TGFBR3: variants seen among roughly 807,000 people sequenced by gnomAD.
TGFBR3 encodes transforming growth factor beta receptor 3.
Under a neutral mutation model 87.9 loss-of-function variants are expected in TGFBR3, and 46 were observed. That is an observed-to-expected ratio of 0.52 (90% CI 0.41 to 0.67). TGFBR3 has a LOEUF of 0.67. Ranked by LOEUF, TGFBR3 falls within the 30% of genes least tolerant of loss-of-function variation. The probability of loss-of-function intolerance (pLI) is 0.00; values close to 1 mark genes in which losing one functional copy is unlikely to be tolerated. For missense variants in TGFBR3, 866 were observed against 1,041.9 expected, an observed-to-expected ratio of 0.83 and a Z score of 2.32; for synonymous variants, 381 against 391.6, an observed-to-expected ratio of 0.97 and a Z score of 0.32.
intron 1 of TGFBR3, among the ~76,000 whole-genome samples, chr1:91,862,470 AG>A (rs1678239319): frequency 6.6e-6 from 1 of 152,234 alleles, no homozygotes; most frequent in Non-Finnish European, 1.5e-5. Flanking sequence ...ACAGGAAAAA[AG>A]TCTTCCCTGT....
At position 91,848,716 on chromosome 1, in the gene TGFBR3, C is replaced by A. The variant is rs11466564; in HGVS notation, c.61+12755G>T. Among the ~76,000 whole-genome samples the A allele has an allele frequency of 9.9e-3, 1,511 of 152,298 alleles. 32 individuals carry two copies. The highest frequency in any genetic ancestry group is 0.034 in the African/African-American group (1,427 of 41,554). ...GTAATTTACAACACTGTAAGAAGCACTTCTGCAAAAGGTGGTAAGACCCTC... is the reference window on the plus strand; with the variant it reads ...GTAATTTACAACACTGTAAGAAGCAATTCTGCAAAAGGTGGTAAGACCCTC... On this transcript the variant is annotated intron_variant, in intron 2 of 16. Transcript: ENST00000212355.
At chr1:91,770,938 A>G (rs1006918458) in intron 3 of TGFBR3, 1 of 152,200 alleles carries the variant, frequency 6.6e-6, no homozygotes, top group Non-Finnish European at 1.5e-5. Flanking sequence ...CTGGAGTTTC[A>G]GCAGAGGCTC....
chr1:91,830,480 A>G (rs1676815870), intron 2 of TGFBR3, among the ~76,000 whole-genome samples: 1 of 152,134 alleles, frequency 6.6e-6, no homozygotes, highest in African/African-American at 2.4e-5. Context: ...TGCCACAGTG[A>G]CTGGTGCTGC....
chr1:91,862,652 C>A (rs756016973), intron 1 of TGFBR3, among the ~76,000 whole-genome samples: 1 of 152,198 alleles, frequency 6.6e-6, no homozygotes, highest in Non-Finnish European at 1.5e-5. Context: ...AAGTATATTT[C>A]TCCAGCCCTC....
In TGFBR3 at chr1:91,681,477, G is replaced by A. The variant is rs1670908885; in HGVS notation, c.*2262C>T. 5.7e-6 allele frequency: 2 copies of A among 350,562 alleles called. No homozygotes were observed. Among genetic ancestry groups the A allele is most frequent in the Non-Finnish European group, 1.1e-5 (2 of 184,928 alleles). The allele number at this position is 350,562 out of a possible 1,614,324, so 21.7% of individuals were successfully genotyped here. On this transcript the variant is annotated 3_prime_UTR_variant, in exon 17 of 17. Transcript: ENST00000212355. The stretch of plus-strand genomic sequence containing the variant: ...TTTTAAATTATTTATAAAATCATTG[G>A]CAATGTAGCATCTCTCTTAAAAATA...
At chr1:91,837,954 T>C (rs1467401994) in intron 2 of TGFBR3, among the ~76,000 whole-genome samples, 3 of 152,158 alleles carry the variant, frequency 2.0e-5, no homozygotes, top group East Asian at 3.9e-4. Context: ...ACTCGGGAGA[T>C]TGCTGCATAA....
At chr1:91,750,603 G>C (rs1673503912) in intron 4 of TGFBR3, among the ~76,000 whole-genome samples, 1 of 152,106 alleles carries the variant, frequency 6.6e-6, no homozygotes, top group Non-Finnish European at 1.5e-5. Context: ...AGGACACAAT[G>C]AGTCATTCCA....
At position 91,701,987 on chromosome 1, in the gene TGFBR3, G is replaced by T. The variant is rs530551954; in HGVS notation, c.2288-3857C>A. Among the ~76,000 whole-genome samples the T allele has an allele frequency of 2.6e-5, 4 of 152,304 alleles. No homozygotes were observed. The East Asian group carries it at 7.7e-4, about 29-fold the overall frequency. ...CCACTAGACCAGTGTGTCTCACGTG[G>T]TGGGTGATTTTTATTCCAGGGGACA... On this transcript the variant is annotated intron_variant, in intron 14 of 16. Transcript: ENST00000212355.
chr1:91,719,861 C>G, intron 9 of TGFBR3, 32 bp downstream of exon 9: 1 of 1,605,742 alleles, frequency 6.2e-7, no homozygotes, highest in African/African-American at 1.3e-5. Context: ...AGGAGGTAGC[C>G]TCTCTTCCCT....
intron 16 of TGFBR3, among the ~76,000 whole-genome samples, chr1:91,694,703 G>A (rs952288138): frequency 6.6e-6 from 1 of 152,146 alleles, no homozygotes; most frequent in Non-Finnish European, 1.5e-5. Flanking sequence ...TGGTTTAATG[G>A]ACAATTAATG....
chr1:91,735,992 A>G (rs968638438), intron 4 of TGFBR3, among the ~76,000 whole-genome samples: 1 of 152,206 alleles, frequency 6.6e-6, no homozygotes, highest in Non-Finnish European at 1.5e-5. Flanking sequence ...AAGCAAGTCG[A>G]GGGCAGGGAT....
At chr1:91,768,041 C>T (rs899672350) in intron 3 of TGFBR3, among the ~76,000 whole-genome samples, 52 of 152,048 alleles carry the variant, frequency 3.4e-4, no homozygotes, top group Middle Eastern at 3.4e-3. Context: ...GGAGAAACCC[C>T]GTCTCTATTA....
intron 3 of TGFBR3, among the ~76,000 whole-genome samples, chr1:91,763,411 T>A (rs1674046273): frequency 6.6e-6 from 1 of 152,168 alleles, no homozygotes; most frequent in Non-Finnish European, 1.5e-5. Context: ...AATGAAGTCA[T>A]CCAAAACACT....
chr1:91,726,032 G>A (rs1000339600), intron 7 of TGFBR3, among the ~76,000 whole-genome samples: 1 of 152,196 alleles, frequency 6.6e-6, no homozygotes, highest in Non-Finnish European at 1.5e-5. Flanking sequence ...GTTTAGTAAT[G>A]TTGTCATGCA....
At chr1:91,773,261 A>G (rs1421758914) in intron 3 of TGFBR3, among the ~76,000 whole-genome samples, 1 of 149,578 alleles carries the variant, frequency 6.7e-6, no homozygotes, top group African/African-American at 2.5e-5. Context: ...TTTTTGGCTT[A>G]AGTATCTTAC....
chr1:91,848,527 A>G (rs1677596588), intron 2 of TGFBR3, among the ~76,000 whole-genome samples: 1 of 152,252 alleles, frequency 6.6e-6, no homozygotes, highest in African/African-American at 2.4e-5. Context: ...TATCCTTATT[A>G]TAAAATATAT....
intron 1 of TGFBR3, among the ~76,000 whole-genome samples, chr1:91,903,019 A>G (rs1570351726): frequency 8.1e-6 from 1 of 123,414 alleles, no homozygotes; most frequent in Non-Finnish European, 1.7e-5. Context: ...GTCTTCTAGC[A>G]CCTCACTTAA....
chr1:91,687,388 T>A (rs913278722), intron 16 of TGFBR3, among the ~76,000 whole-genome samples: 1 of 152,168 alleles, frequency 6.6e-6, no homozygotes, highest in Non-Finnish European at 1.5e-5. Context: ...CATTTCTTAA[T>A]GGAGAATGTT....
At chr1:91,784,497 A>G (rs1171834436) in intron 3 of TGFBR3, among the ~76,000 whole-genome samples, 3 of 152,212 alleles carry the variant, frequency 2.0e-5, no homozygotes, top group Non-Finnish European at 4.4e-5. Flanking sequence ...AAGTAATACA[A>G]TAAAACATAT....
Sources: gnomAD v4.1 joint callset for allele counts (sites outside exome capture counted in the v4.1 genomes callset) on GRCh38, gnomAD v4.1.1 for gene constraint, MANE v1.5 for transcripts, NCBI Gene and HGNC (gene_info 2026-07-23, HGNC 2026-07-21) for gene names.